The following MEGF11 variants were observed in gnomAD, a reference collection of about 807,000 sequenced individuals.
MEGF11 encodes the protein multiple EGF like domains 11.
MEGF11 carries 126 observed loss-of-function variants against 146.6 expected under a neutral mutation model. The ratio of observed to expected loss-of-function variants is 0.86; its 90% confidence interval spans 0.74 to 1.00. The LOEUF (loss-of-function observed/expected upper bound fraction) is 1.00. MEGF11 is among the 50% of genes least tolerant of loss of function. The pLI, the probability that MEGF11 is intolerant of heterozygous loss-of-function variation, is 0.00. For missense variants in MEGF11, 1,509 were observed against 1,521.2 expected (o/e 0.99, Z 0.13); for synonymous variants, 532 against 583.4 (o/e 0.91, Z 1.27).
intron 24 of MEGF11, chr15:65,902,454 G>A (rs1366407251): frequency 6.6e-6 from 1 of 152,198 alleles, no homozygotes; most frequent in Admixed American, 6.5e-5. Context: ...TCTCTACTGG[G>A]ACTGGAGAAT....
At chr15:66,154,103 CCTT>C (rs2089665739) in intron 1 of MEGF11, among the ~76,000 whole-genome samples, 1 of 152,238 alleles carries the variant, frequency 6.6e-6, no homozygotes. Context: ...CAAAAAAAAC[CCTT>C]CTCTGACACC....
In MEGF11 at chr15:65,912,154, G is replaced by T; in HGVS notation, c.2757C>A (p.Ser919Arg). 1 of 1,232,272 alleles carries T rather than the reference G, an allele frequency of 8.1e-7. No homozygotes were observed. The highest frequency in any genetic ancestry group is 1.0e-6 in the Non-Finnish European group (1 of 988,070). 76.3% of individuals were successfully genotyped at this position (1,232,272 alleles called of 1,614,324 possible). ...SSHAHCFSNS[S>R]YHALACGGPA... ...GCCCCCCACATGCCAGTGCGTGGTA[G>T]CTGGAATTGGAAAAGCAGTGGGCAT... The change falls in exon 21 of 26, where the codon AGC becomes AGA. Residue 919 changes from serine to arginine, a missense_variant. Coordinates refer to ENST00000395614, the MANE Select transcript of MEGF11 (RefSeq NM_001385028.1).
At chr15:66,180,616 G>C (rs550524967) in intron 1 of MEGF11, among the ~76,000 whole-genome samples, 2 of 147,436 alleles carry the variant, frequency 1.4e-5, no homozygotes, top group African/African-American at 5.3e-5. Context: ...GGCTCTCTCT[G>C]GCAGAAAAAA....
chr15:65,939,878 AAAT>A (rs1175180451), intron 10 of MEGF11, among the ~76,000 whole-genome samples: 4 of 152,186 alleles, frequency 2.6e-5, no homozygotes, highest in African/African-American at 7.2e-5. Flanking sequence ...AGTTGTAATG[AAAT>A]AATCATTTAA....
chr15:66,172,831 G>C (rs1393414471), intron 1 of MEGF11, among the ~76,000 whole-genome samples: 3 of 152,244 alleles, frequency 2.0e-5, no homozygotes, highest in Non-Finnish European at 4.4e-5. Context: ...CAGGACTGCA[G>C]CTTGCCCTAG....
At chr15:65,958,555 G>A (rs1277709850) in intron 9 of MEGF11, among the ~76,000 whole-genome samples, 3 of 152,112 alleles carry the variant, frequency 2.0e-5, no homozygotes, top group African/African-American at 4.8e-5. Context: ...TTTCCCCTGC[G>A]CCACTTCCAG....
At chr15:66,042,470 G>A (rs757759508) in intron 5 of MEGF11, among the ~76,000 whole-genome samples, 2 of 152,154 alleles carry the variant, frequency 1.3e-5, no homozygotes, top group Admixed American at 1.3e-4. Flanking sequence ...GCCAAGAAAG[G>A]TTCAGATAAA....
intron 5 of MEGF11, among the ~76,000 whole-genome samples, chr15:66,048,382 C>A (rs1368188775): frequency 3.3e-5 from 5 of 152,262 alleles, no homozygotes; most frequent in African/African-American, 1.2e-4. Context: ...ACCCCGCAGG[C>A]ACCCTTCTCT....
chr15:66,185,691 C>A (rs10851752), intron 1 of MEGF11, among the ~76,000 whole-genome samples: 121,494 of 152,132 alleles, frequency 0.8, 49,081 homozygotes, highest in African/African-American at 0.92. Context: ...CAGGCAGCAG[C>A]GACATCAGGA....
chr15:65,947,013 G>T (rs2080219171), intron 10 of MEGF11, among the ~76,000 whole-genome samples: 2 of 152,144 alleles, frequency 1.3e-5, no homozygotes, highest in African/African-American at 4.8e-5. Flanking sequence ...GAATTTTTTA[G>T]TGTTTTTGGG....
intron 5 of MEGF11, among the ~76,000 whole-genome samples, chr15:66,057,251 G>A (rs1291875149): frequency 6.6e-6 from 1 of 152,142 alleles, no homozygotes. Context: ...GGGCGTCGGG[G>A]AGGTTGGCTG....
At chr15:65,952,542 T>G (rs2080445515) in intron 10 of MEGF11, among the ~76,000 whole-genome samples, 1 of 152,160 alleles carries the variant, frequency 6.6e-6, no homozygotes, top group Non-Finnish European at 1.5e-5. Flanking sequence ...CACTCTGCCT[T>G]CTCCCATCCC....
intron 1 of MEGF11, among the ~76,000 whole-genome samples, chr15:66,144,651 C>T (rs1023136256): frequency 3.9e-5 from 6 of 152,188 alleles, no homozygotes; most frequent in African/African-American, 9.7e-5. Flanking sequence ...GCAACAGGCA[C>T]AGGGCAGAGA....
intron 10 of MEGF11, among the ~76,000 whole-genome samples, chr15:65,948,994 G>T (rs1387668504): frequency 6.6e-6 from 1 of 152,208 alleles, no homozygotes; most frequent in Non-Finnish European, 1.5e-5. Flanking sequence ...GTCAATAGTG[G>T]GAGGTGAGGG....
chr15:66,246,182 G>T (rs923738933), intron 1 of MEGF11, among the ~76,000 whole-genome samples: 3 of 152,136 alleles, frequency 2.0e-5, no homozygotes, highest in Non-Finnish European at 4.4e-5. Context: ...GCTTGAACCC[G>T]AGAGGGAGAG....
chr15:65,996,844 G>A (rs980338849), intron 5 of MEGF11, among the ~76,000 whole-genome samples: 3 of 152,150 alleles, frequency 2.0e-5, no homozygotes, highest in African/African-American at 7.2e-5. Context: ...ATTCCCACTG[G>A]TCAGATGGAT....
intron 22 of MEGF11, 143 bp from the exon 23 acceptor site, chr15:65,909,278 AGGGGCCAGGGCCAGC>A (rs1357630670): frequency 6.0e-6 from 4 of 661,660 alleles, no homozygotes; most frequent in Non-Finnish European, 1.1e-5. Context: ...TAGCATCCAG[AGGGGCCAGGGCCAGC>A]GGGGCCAGGG....
intron 5 of MEGF11, among the ~76,000 whole-genome samples, chr15:66,033,078 CAAAAAAAAAAA>C (rs60932678): frequency 1.2e-5 from 1 of 80,644 alleles, no homozygotes; most frequent in African/African-American, 5.4e-5. Context: ...GAGACTCCAT[CAAAAAAAAAAA>C]AAAAAAAAAA....
intron 5 of MEGF11, among the ~76,000 whole-genome samples, chr15:65,995,476 A>G (rs1483513146): frequency 2.6e-5 from 4 of 152,208 alleles, no homozygotes; most frequent in African/African-American, 4.8e-5. Flanking sequence ...AAATTACCAT[A>G]AAGGTTGCTA....
Sources: allele counts gnomAD v4.1 joint callset (sites outside exome capture counted in the v4.1 genomes callset), GRCh38; gene constraint gnomAD v4.1.1; transcripts MANE v1.5; gene names NCBI Gene and HGNC (gene_info 2026-07-23, HGNC 2026-07-21).